The following SCHIP1 variants were observed in gnomAD, a reference collection of about 807,000 sequenced individuals.
SCHIP1 encodes the protein schwannomin interacting protein 1, also known as schwannomin-interacting protein 1.
A neutral mutation model predicts 29.7 loss-of-function variants in SCHIP1; 8 were observed. The observed-to-expected ratio is 0.27, with a 90% CI of 0.16 to 0.49. SCHIP1 has a LOEUF of 0.49. SCHIP1 is among the 20% of genes least tolerant of loss of function. The probability of loss-of-function intolerance (pLI) is 0.99; values close to 1 mark genes in which losing one functional copy is unlikely to be tolerated. For synonymous variants in SCHIP1, 76 were observed against 94.9 expected, an observed-to-expected ratio of 0.80 and a Z score of 1.16; for missense variants, 193 against 294.6, an observed-to-expected ratio of 0.66 and a Z score of 2.52.
chr3:159,587,666 G>A, the SCHIP1 span, among the ~76,000 whole-genome samples: 2 of 152,052 alleles, frequency 1.3e-5, no homozygotes, highest in African/African-American at 2.4e-5. Context: ...TCCCCTTCCG[G>A]TGTCCAAGTG....
chr3:159,434,738 T>C, the SCHIP1 span, among the ~76,000 whole-genome samples: 1 of 152,182 alleles, frequency 6.6e-6, no homozygotes, highest in Non-Finnish European at 1.5e-5. Flanking sequence ...GAAATTGAGT[T>C]TCTATTTTGT....
chr3:159,384,423 G>A, the SCHIP1 span, among the ~76,000 whole-genome samples: 8 of 150,738 alleles, frequency 5.3e-5, no homozygotes, highest in East Asian at 2.0e-4. Context: ...ATTGATTTGT[G>A]TATATTGAAC....
the SCHIP1 span, among the ~76,000 whole-genome samples, chr3:159,475,892 G>A: frequency 6.6e-6 from 1 of 152,100 alleles, no homozygotes; most frequent in South Asian, 2.1e-4. Context: ...TCATAACAAG[G>A]TCTTGGGAAA....
chr3:159,746,892 C>T, the SCHIP1 span, among the ~76,000 whole-genome samples: 1 of 152,314 alleles, frequency 6.6e-6, no homozygotes, highest in Admixed American at 6.5e-5. Flanking sequence ...CCTCAAGACC[C>T]AATTCAAGTA....
chr3:159,832,449 A>G, the SCHIP1 span, among the ~76,000 whole-genome samples: 4 of 151,962 alleles, frequency 2.6e-5, no homozygotes, highest in Admixed American at 1.3e-4. Context: ...AACATCAGCT[A>G]CATTGGCAAC....
the SCHIP1 span, among the ~76,000 whole-genome samples, chr3:159,716,477 T>C: frequency 2.6e-5 from 4 of 152,074 alleles, no homozygotes; most frequent in African/African-American, 4.8e-5. Flanking sequence ...AGAGTCAAGA[T>C]CCATCAGTGT....
At chr3:159,814,652 C>G in the SCHIP1 span, among the ~76,000 whole-genome samples, 31 of 152,322 alleles carry the variant, frequency 2.0e-4, no homozygotes, top group South Asian at 6.2e-3. Context: ...TGCCGAGCCC[C>G]CGATGTTCTG....
chr3:159,841,827 ATAAAAT>A (rs1369839539), intron 1 of SCHIP1, among the ~76,000 whole-genome samples: 2 of 152,238 alleles, frequency 1.3e-5, no homozygotes, highest in Non-Finnish European at 2.9e-5. Context: ...TATTTTCACA[ATAAAAT>A]TAAGTGTATT....
chr3:159,700,284 A>G, the SCHIP1 span, among the ~76,000 whole-genome samples: 30 of 152,226 alleles, frequency 2.0e-4, no homozygotes, highest in Non-Finnish European at 3.5e-4. Context: ...CCTACATTCT[A>G]TAGGACAAGT....
the SCHIP1 span, among the ~76,000 whole-genome samples, chr3:159,518,700 A>G: frequency 6.6e-6 from 1 of 152,266 alleles, no homozygotes; most frequent in African/African-American, 2.4e-5. Flanking sequence ...CTAAAAGCAG[A>G]TAGAAATGTA....
At chr3:159,349,611 T>C in the SCHIP1 span, among the ~76,000 whole-genome samples, 1 of 152,158 alleles carries the variant, frequency 6.6e-6, no homozygotes, top group Non-Finnish European at 1.5e-5. Flanking sequence ...CTTATTTTTA[T>C]TATCATTGTG....
chr3:159,848,329 G>C (rs1160099488), intron 1 of SCHIP1, among the ~76,000 whole-genome samples: 1 of 152,170 alleles, frequency 6.6e-6, no homozygotes, highest in Non-Finnish European at 1.5e-5. Context: ...TCTAGAGAGG[G>C]CAGCAGCAGA....
chr3:159,620,931 C>T, the SCHIP1 span, among the ~76,000 whole-genome samples: 2 of 152,148 alleles, frequency 1.3e-5, no homozygotes, highest in Non-Finnish European at 1.5e-5. Flanking sequence ...GCCTGACAGT[C>T]GGATTGTAGC....
the SCHIP1 span, among the ~76,000 whole-genome samples, chr3:159,505,399 C>T: frequency 5.3e-5 from 8 of 152,082 alleles, no homozygotes; most frequent in East Asian, 1.9e-4. Context: ...AAAACAATTA[C>T]GAAGGAGAAC....
the SCHIP1 span, among the ~76,000 whole-genome samples, chr3:159,641,707 G>A: frequency 5.0e-3 from 757 of 152,218 alleles, 7 homozygotes; most frequent in African/African-American, 0.018. Context: ...GGTGGCACAT[G>A]TGCAGTTTAC....
At chr3:159,655,267 C>T in the SCHIP1 span, among the ~76,000 whole-genome samples, 49 of 152,152 alleles carry the variant, frequency 3.2e-4, no homozygotes, top group Non-Finnish European at 6.2e-4. Context: ...GCATTTGCAT[C>T]TGTAAGTATG....
chr3:159,843,001 C>CCTTTTTTTTT (rs1744393986), intron 1 of SCHIP1, among the ~76,000 whole-genome samples: 1 of 63,710 alleles, frequency 1.6e-5, no homozygotes, highest in Non-Finnish European at 3.3e-5. Flanking sequence ...ATATTTCTTT[C>CCTTTTTTTTT]TTTTTTTTTT....
intron 1 of SCHIP1, among the ~76,000 whole-genome samples, chr3:159,845,123 C>T (rs1711608710): frequency 6.6e-6 from 1 of 152,192 alleles, no homozygotes; most frequent in Admixed American, 6.5e-5. Context: ...ACCCTTTACT[C>T]CTGCCTTCAC....
the SCHIP1 span, among the ~76,000 whole-genome samples, chr3:159,279,883 C>G: frequency 6.6e-6 from 1 of 152,092 alleles, no homozygotes; most frequent in African/African-American, 2.4e-5. Context: ...TGCTGTTGGC[C>G]TCAGTACATT....
Sources: allele counts gnomAD v4.1 joint callset (sites outside exome capture counted in the v4.1 genomes callset), GRCh38; gene constraint gnomAD v4.1.1; transcripts MANE v1.5; gene names NCBI Gene and HGNC (gene_info 2026-07-23, HGNC 2026-07-21).